Variants in IGF2R observed in about 807,000 individuals in gnomAD.
The protein encoded by IGF2R is insulin like growth factor 2 receptor.
A neutral mutation model predicts 270.6 loss-of-function variants in IGF2R; 91 were observed. The ratio of observed to expected loss-of-function variants is 0.34; its 90% confidence interval spans 0.28 to 0.40. IGF2R has a LOEUF of 0.40. IGF2R is among the 10% of genes least tolerant of loss of function. The pLI is 1.00. For synonymous variants in IGF2R, 1,316 were observed against 1,258.9 expected (o/e 1.05, Z -0.96); for missense variants, 2,805 against 3,188.3 (o/e 0.88, Z 2.90).
chr6:160,056,314 A>G, intron 19 of IGF2R, 110 bp from the exon 20 acceptor site: 3 of 739,512 alleles, frequency 4.1e-6, no homozygotes, highest in Non-Finnish European at 7.4e-6. Flanking sequence ...CTGACTCATA[A>G]TAAACATCTA....
In IGF2R at chr6:160,093,809, C is replaced by G. The variant is rs552255462; in HGVS notation, c.6656-2630C>G. On this transcript the variant is annotated intron_variant, in intron 44 of 47. Transcript: ENST00000356956. ...AGATAACAAGATCTCTCGTGATGAG[C>G]TGTTAAGGGTGCTGTGCATGATGGT... The G allele has an allele frequency of 5.4e-6, 4 of 735,898 alleles. No homozygotes were observed. The East Asian group carries it at 1.0e-4, about 19-fold the overall frequency. The allele number at this position is 735,898 out of a possible 1,614,324, so 45.6% of individuals were successfully genotyped here.
chr6:160,009,015 T>A lies in IGF2R; in HGVS notation c.295T>A (p.Ser99Thr), dbSNP rs766506221. Residue 99 changes from serine to threonine, a missense_variant, in exon 3 of 48, where the codon TCT (serine) becomes ACT (threonine). Coordinates refer to ENST00000356956, the MANE Select transcript of IGF2R (RefSeq NM_000876.4). The stretch of plus-strand genomic sequence containing the variant: ...TCTCTTTTCTCTCCAAATAGGTGAC[T>A]CTGTTTTGAGAAGTGCAACCAGATC... ...KTRTYHSVGD[S>T]VLRSATRSLL... 21 of 1,614,034 alleles carry A rather than the reference T, an allele frequency of 1.3e-5. No individual in the cohort carries two copies. Among genetic ancestry groups the A allele is most frequent in the Non-Finnish European group, 1.7e-5 (20 of 1,179,918 alleles).
chr6:160,064,303 T>G, intron 27 of IGF2R, 98 bp from the exon 28 acceptor site: 1 of 1,361,774 alleles, frequency 7.3e-7, no homozygotes, highest in South Asian at 1.2e-5. Flanking sequence ...ATACTTTGTC[T>G]CACACTCTTC....
intron 30 of IGF2R, among the ~76,000 whole-genome samples, chr6:160,068,934 G>A (rs531918190): frequency 6.6e-6 from 1 of 152,314 alleles, no homozygotes; most frequent in Admixed American, 6.5e-5. Flanking sequence ...GGGTAAATCA[G>A]TGCTGAGGAC....
chr6:160,058,980 C>G lies in IGF2R; in HGVS notation c.2973C>G (p.Thr991=), dbSNP rs1778371904. The change falls in exon 22 of 48, where the codon ACC becomes ACG. Residue 991 remains threonine (T), a synonymous_variant. Transcript: ENST00000356956. The stretch of plus-strand genomic sequence containing the variant: ...CTGCTTCTGGCTGTGAGGCAGAAAC[C>G]CAAACTGAAGAGCTCAAGAATTGGA... ...GKPASGCEAE[T]QTEELKNWKP... The G allele has an allele frequency of 6.2e-7, 1 of 1,614,054 alleles. No individual in the cohort carries two copies. The highest frequency in any genetic ancestry group is 1.3e-5 in the African/African-American group (1 of 74,918).
At chr6:160,067,021 A>T (rs1251271660) in intron 29 of IGF2R, among the ~76,000 whole-genome samples, 1 of 152,186 alleles carries the variant, frequency 6.6e-6, no homozygotes, top group Non-Finnish European at 1.5e-5. Flanking sequence ...TCCTCTTGAG[A>T]TATAAGTCCC....
intron 33 of IGF2R, 77 bp downstream of exon 33, chr6:160,072,961 T>C: frequency 1.3e-6 from 2 of 1,524,178 alleles, no homozygotes; most frequent in Non-Finnish European, 1.8e-6. Context: ...TGCATGCTAA[T>C]GGCAAAAAGG....
In IGF2R at chr6:159,969,241, G is replaced by C. The variant is rs2975115; in HGVS notation, c.-6G>C. 272 of 1,015,058 alleles carry C rather than the reference G, an allele frequency of 2.7e-4. 1 individual carries two copies. The African/African-American group carries it at 4.4e-3, about 16-fold the overall frequency. 62.9% of individuals were successfully genotyped at this position (1,015,058 alleles called of 1,614,324 possible). ...CGCGCCCGCCGCGCAGTCCGGGCCC[G>C]GCGCGATGGGGGCCGCCGCCGGCCG... On this transcript the variant is annotated 5_prime_UTR_variant, in exon 1 of 48. Coordinates refer to ENST00000356956, the MANE Select transcript of IGF2R (RefSeq NM_000876.4).
At position 160,104,932 on chromosome 6, in the gene IGF2R, G is replaced by C. The variant is rs757681085; in HGVS notation, c.7324G>C (p.Ala2442Pro). The C allele has an allele frequency of 8.1e-6, 13 of 1,614,168 alleles. 1 individual carries two copies. In the South Asian group the frequency reaches 1.4e-4, roughly 18 times the overall value. The stretch of plus-strand genomic sequence containing the variant: ...CCCAGTGAGAAACGCACAGAGCAAT[G>C]CCCTTCAGGAGCGTGAGGACGATAG... Reference protein sequence around the residue: ...SHPVRNAQSNALQEREDDRVG... With the variant: ...SHPVRNAQSNPLQEREDDRVG... The change falls in exon 48 of 48, where the codon GCC becomes CCC. Residue 2442 changes from alanine (A) to proline (P), a missense_variant. Around this residue, in one of 2 missense-constraint regions of IGF2R, gnomAD observed 1,851 missense variants for 2,207.2 expected, o/e 0.84. Coordinates refer to ENST00000356956, the MANE Select transcript of IGF2R (RefSeq NM_000876.4).
intron 10 of IGF2R, among the ~76,000 whole-genome samples, chr6:160,039,418 T>G (rs1777893938): frequency 6.6e-6 from 1 of 152,220 alleles, no homozygotes; most frequent in Non-Finnish European, 1.5e-5. Context: ...ATAAAGAAAG[T>G]ACTTAAACAG....
At chr6:160,017,108 T>C in intron 4 of IGF2R, among the ~76,000 whole-genome samples, 1 of 151,988 alleles carries the variant, frequency 6.6e-6, no homozygotes, top group East Asian at 1.9e-4. Context: ...TGAAAACCAA[T>C]ACAAAGAGAT....
rs1779606017 is a variant in IGF2R, at chr6:160,105,905, T to TGTG, written c.*821_*822insGTG. 13 of 145,884 alleles carry TGTG rather than the reference T, an allele frequency of 8.9e-5. No individual in the cohort carries two copies. The highest frequency in any genetic ancestry group is 3.0e-5 in the Non-Finnish European group (2 of 66,330). The allele number at this position is 145,884 out of a possible 1,614,324, so 9.0% of individuals were successfully genotyped here. ...CCTGCCCAAAGATTGATTTGTGTGT[T>TGTG]TGTGTGTGTGTGTGTGTGTGTGTGT... On this transcript the variant is annotated 3_prime_UTR_variant, in exon 48 of 48. Transcript: ENST00000356956.
At chr6:160,039,704 CAG>C (rs1491433272) in intron 10 of IGF2R, among the ~76,000 whole-genome samples, 2 of 152,136 alleles carry the variant, frequency 1.3e-5, no homozygotes, top group Admixed American at 1.3e-4. Flanking sequence ...ATGAAACCAT[CAG>C]GGGTGGGAAA....
chr6:159,990,104 T>A (rs1783953414), intron 1 of IGF2R, among the ~76,000 whole-genome samples: 1 of 152,274 alleles, frequency 6.6e-6, no homozygotes, highest in Non-Finnish European at 1.5e-5. Flanking sequence ...GAGCTGCCTT[T>A]CATGCCATAG....
At chr6:160,046,857 T>C (rs1778079269) in intron 15 of IGF2R, among the ~76,000 whole-genome samples, 1 of 152,186 alleles carries the variant, frequency 6.6e-6, no homozygotes, top group Admixed American at 6.5e-5. Flanking sequence ...TGGATTGAGG[T>C]TATGCCTCAC....
At chr6:160,018,035 A>G (rs1019374860) in intron 4 of IGF2R, among the ~76,000 whole-genome samples, 2 of 152,214 alleles carry the variant, frequency 1.3e-5, no homozygotes, top group African/African-American at 4.8e-5. Context: ...CATGGATTAA[A>G]TGCTCCACAT....
At chr6:160,030,718 G>C (rs1000837510) in intron 7 of IGF2R, among the ~76,000 whole-genome samples, 2 of 152,104 alleles carry the variant, frequency 1.3e-5, no homozygotes, top group Non-Finnish European at 2.9e-5. Flanking sequence ...TGAGAACCAA[G>C]AGAATTGGGA....
chr6:159,979,088 C>G (rs1460683363), intron 1 of IGF2R, among the ~76,000 whole-genome samples: 1 of 152,152 alleles, frequency 6.6e-6, no homozygotes, highest in Non-Finnish European at 1.5e-5. Flanking sequence ...CCAGGAGGGT[C>G]TTGCTGTTAG....
intron 21 of IGF2R, 66 bp from the exon 22 acceptor site, chr6:160,058,840 G>A: frequency 1.4e-6 from 2 of 1,400,176 alleles, no homozygotes; most frequent in African/African-American, 1.4e-5. Context: ...AGTTGCTAGG[G>A]TTCTTGTCTG....
Sources: gnomAD v4.1 joint callset for allele counts (sites outside exome capture counted in the v4.1 genomes callset) on GRCh38, gnomAD v4.1.1 for gene constraint, gnomAD v4.1.1 regional missense constraint, MANE v1.5 for transcripts, NCBI Gene and HGNC (gene_info 2026-07-23, HGNC 2026-07-21) for gene names.